The following ITFG1 variants were observed in gnomAD, a reference collection of about 807,000 sequenced individuals.
ITFG1 encodes T-cell immunomodulatory protein.
A neutral mutation model predicts 81.8 loss-of-function variants in ITFG1; 34 were observed. The observed-to-expected ratio is 0.42, with a 90% CI of 0.32 to 0.55. ITFG1 has a LOEUF of 0.55. Ranked by LOEUF, ITFG1 falls within the 20% of genes least tolerant of loss-of-function variation. The pLI, the probability that ITFG1 is intolerant of heterozygous loss-of-function variation, is 0.17. For missense variants in ITFG1, 672 were observed against 755.4 expected (o/e 0.89, Z 1.29); for synonymous variants, 285 against 270.6 (o/e 1.05, Z -0.52).
intron 14 of ITFG1, among the ~76,000 whole-genome samples, chr16:47,189,072 A>C (rs1026410818): frequency 6.6e-6 from 1 of 152,180 alleles, no homozygotes; most frequent in Non-Finnish European, 1.5e-5. Context: ...CCCCATAAAC[A>C]GTTTTTAATG....
At chr16:47,453,963 T>G in intron 3 of ITFG1, 50 bp downstream of exon 3, 3 of 1,158,118 alleles carry the variant, frequency 2.6e-6, no homozygotes, top group Non-Finnish European at 3.7e-6. Context: ...TTTGTTACAT[T>G]TACCTTCATA....
Position 47,307,093 on chromosome 16 carries a change from C to CAAAAA in ITFG1, c.1070+4142_1070+4146dup, listed in dbSNP as rs371103697. 2.2e-3 allele frequency among the ~76,000 whole-genome samples: 36 copies of CAAAAA among 16,466 alleles called. 8 individuals carry two copies. Among genetic ancestry groups the CAAAAA allele is most frequent in the East Asian group, 7.3e-3 (3 of 410 alleles). The allele number at this position is 16,466 out of a possible 152,430, so 10.8% of individuals were successfully genotyped here. On this transcript the variant is annotated intron_variant, in intron 10 of 17. Coordinates refer to ENST00000320640, the MANE Select transcript of ITFG1 (RefSeq NM_030790.5). Reference sequence around the variant, plus strand: ...TGGGTGACAGAGCAAAACTCCGTCTCAAAAAAAAAAAAAAAAAAAAAAAAA... The same window carrying CAAAAA: ...TGGGTGACAGAGCAAAACTCCGTCTCAAAAAAAAAAAAAAAAAAAAAAAAAAAAAA...
At chr16:47,360,480 G>C (rs554810715) in intron 8 of ITFG1, among the ~76,000 whole-genome samples, 1 of 152,236 alleles carries the variant, frequency 6.6e-6, no homozygotes, top group East Asian at 1.9e-4. Flanking sequence ...TGCCATTAAT[G>C]TAAGACTGTG....
rs376567144 is a variant in ITFG1, at chr16:47,364,905, T to C, written c.802+883A>G. On this transcript the variant is annotated intron_variant, in intron 8 of 17. Transcript: ENST00000320640. ...TGAGGTTCCACTATGTTGCCCAGGATGGACTTGAATTCCTGAGCTCAAACA... is the reference window on the plus strand; with the variant it reads ...TGAGGTTCCACTATGTTGCCCAGGACGGACTTGAATTCCTGAGCTCAAACA... Among the ~76,000 whole-genome samples the C allele has an allele frequency of 4.6e-5, 7 of 152,346 alleles. No individual in the cohort carries two copies. The South Asian group carries it at 6.2e-4, about 14-fold the overall frequency.
intron 12 of ITFG1, among the ~76,000 whole-genome samples, chr16:47,253,277 C>G (rs180682910): frequency 1.9e-4 from 29 of 152,268 alleles, no homozygotes; most frequent in African/African-American, 7.0e-4. Context: ...ATATATAAAA[C>G]TGAAAATAGC....
At chr16:47,206,117 C>T (rs1322881651) in intron 14 of ITFG1, among the ~76,000 whole-genome samples, 3 of 152,122 alleles carry the variant, frequency 2.0e-5, no homozygotes, top group African/African-American at 2.4e-5. Flanking sequence ...CCACCCACCT[C>T]GGCTTCCCAA....
At chr16:47,425,362 T>G (rs1044039521) in intron 6 of ITFG1, among the ~76,000 whole-genome samples, 5 of 152,138 alleles carry the variant, frequency 3.3e-5, no homozygotes, top group African/African-American at 1.2e-4. Context: ...CGGCTTCCCT[T>G]TGGCTAGGAA....
At chr16:47,373,611 T>C (rs896298931) in intron 7 of ITFG1, among the ~76,000 whole-genome samples, 2 of 152,170 alleles carry the variant, frequency 1.3e-5, no homozygotes, top group African/African-American at 4.8e-5. Context: ...AGGCCTTCAC[T>C]GATAATTCTG....
chr16:47,162,432 G>A, intron 15 of ITFG1, 108 bp downstream of exon 15: 1 of 953,606 alleles, frequency 1.0e-6, no homozygotes, highest in Non-Finnish European at 1.5e-6. Context: ...AAAAATATTT[G>A]GTTTATTTGA....
At chr16:47,276,297 A>G (rs1205756096) in intron 10 of ITFG1, among the ~76,000 whole-genome samples, 3 of 152,142 alleles carry the variant, frequency 2.0e-5, no homozygotes, top group Non-Finnish European at 4.4e-5. Context: ...TTCAATAACA[A>G]TGAAATCTCT....
At chr16:47,447,532 T>G (rs1333093944) in intron 5 of ITFG1, among the ~76,000 whole-genome samples, 3 of 152,102 alleles carry the variant, frequency 2.0e-5, no homozygotes, top group Admixed American at 6.5e-5. Context: ...AATTTTTATT[T>G]ATTTATTTAT....
At chr16:47,200,488 A>T (rs1342383504) in intron 14 of ITFG1, among the ~76,000 whole-genome samples, 1 of 152,206 alleles carries the variant, frequency 6.6e-6, no homozygotes, top group Non-Finnish European at 1.5e-5. Context: ...ACAGAAGTTT[A>T]TTTCCTACAT....
intron 13 of ITFG1, among the ~76,000 whole-genome samples, chr16:47,235,551 A>T (rs569433376): frequency 1.3e-5 from 2 of 152,188 alleles, no homozygotes; most frequent in African/African-American, 4.8e-5. Flanking sequence ...CAAAATGGAG[A>T]TGAAGGAATA....
At chr16:47,429,964 G>A (rs1479830819) in intron 5 of ITFG1, among the ~76,000 whole-genome samples, 1 of 151,004 alleles carries the variant, frequency 6.6e-6, no homozygotes, top group Non-Finnish European at 1.5e-5. Flanking sequence ...GTCCCTGTTG[G>A]TGCGTTTTAA....
At position 47,368,611 on chromosome 16, in the gene ITFG1, A is replaced by AGT. The variant is rs1968210084; in HGVS notation, c.721-2744_721-2743dup. On this transcript the variant is annotated intron_variant, in intron 7 of 17. Coordinates refer to ENST00000320640, the MANE Select transcript of ITFG1 (RefSeq NM_030790.5). ...GATCACAGCATTCAGCATTGTGTAG[A>AGT]GTGGATAGAATGTTTCATGAATGAA... 5.6e-5 allele frequency among the ~76,000 whole-genome samples: 8 copies of AGT among 143,340 alleles called. No individual in the cohort carries two copies. In the South Asian group the frequency reaches 1.9e-3, roughly 34 times the overall value. 94.0% of individuals were successfully genotyped at this position (143,340 alleles called of 152,430 possible).
intron 8 of ITFG1, among the ~76,000 whole-genome samples, chr16:47,360,424 C>T (rs931840261): frequency 1.3e-5 from 2 of 151,996 alleles, no homozygotes; most frequent in South Asian, 2.1e-4. Context: ...GGCTACTTAA[C>T]GAAACAGCAG....
intron 8 of ITFG1, among the ~76,000 whole-genome samples, chr16:47,331,057 G>T (rs949007107): frequency 1.3e-5 from 2 of 152,100 alleles, no homozygotes; most frequent in Admixed American, 1.3e-4. Flanking sequence ...CAATAGCAAA[G>T]ACATGGAAAC....
intron 3 of ITFG1, among the ~76,000 whole-genome samples, chr16:47,453,286 A>G (rs1969411862): frequency 6.6e-6 from 1 of 152,222 alleles, no homozygotes; most frequent in African/African-American, 2.4e-5. Flanking sequence ...ATTTGGCTCC[A>G]TGAACAAAGT....
intron 14 of ITFG1, among the ~76,000 whole-genome samples, chr16:47,164,648 A>C (rs1049389381): frequency 2.0e-5 from 3 of 152,208 alleles, no homozygotes; most frequent in Non-Finnish European, 2.9e-5. Context: ...TCCACCTTTA[A>C]TCACATGCTT....
Sources: allele counts gnomAD v4.1 joint callset (sites outside exome capture counted in the v4.1 genomes callset), GRCh38; gene constraint gnomAD v4.1.1; transcripts MANE v1.5; gene names NCBI Gene and HGNC (gene_info 2026-07-23, HGNC 2026-07-21).